RAB3B: variants seen among roughly 807,000 people sequenced by gnomAD.
The protein encoded by RAB3B is ras-related protein Rab-3B.
A neutral mutation model predicts 20.5 loss-of-function variants in RAB3B; 11 were observed. The observed-to-expected ratio is 0.54, with a 90% confidence interval of 0.34 to 0.89. RAB3B has a LOEUF of 0.89. Ranked by LOEUF, RAB3B falls within the 40% of genes least tolerant of loss-of-function variation. The pLI, the probability that RAB3B is intolerant of heterozygous loss-of-function variation, is 0.02. For missense variants in RAB3B, 225 were observed against 280.9 expected, an observed-to-expected ratio of 0.80 and a Z score of 1.42; for synonymous variants, 99 against 106.3, an observed-to-expected ratio of 0.93 and a Z score of 0.42.
intron 4 of RAB3B, among the ~76,000 whole-genome samples, chr1:51,920,728 C>T (rs1383701055): frequency 3.3e-5 from 5 of 152,242 alleles, no homozygotes; most frequent in African/African-American, 9.6e-5. Context: ...TGGACTTTTT[C>T]GCAGGGATTT....
intron 1 of RAB3B, among the ~76,000 whole-genome samples, chr1:51,978,106 TC>T (rs1305151600): frequency 6.6e-6 from 1 of 152,224 alleles, no homozygotes; most frequent in African/African-American, 2.4e-5. Flanking sequence ...AGTGCCAGCT[TC>T]CCTGTGCTCC....
intron 2 of RAB3B, chr1:51,973,406 T>C (rs975928059): frequency 5.9e-5 from 9 of 152,164 alleles, no homozygotes; most frequent in Admixed American, 5.2e-4. Flanking sequence ...AGATTGACCA[T>C]GTCATCTATG....
chr1:51,937,526 T>C lies in RAB3B; in HGVS notation c.229-114A>G, dbSNP rs1043035781. On this transcript the variant is annotated intron_variant, in intron 2 of 4. Coordinates refer to ENST00000371655, the MANE Select transcript of RAB3B (RefSeq NM_002867.4). ...CATTTTTTTTTTTTGAGATGGAGTT[T>C]TGCTCTTGTTGCCCAGGCTGGAGTG... The C allele has an allele frequency of 1.7e-5, 10 of 598,146 alleles. No homozygotes were observed. In the Admixed American group the frequency reaches 3.1e-4, roughly 18 times the overall value. 37.1% of individuals were successfully genotyped at this position (598,146 alleles called of 1,614,324 possible).
At chr1:51,932,305 G>C (rs117063169) in intron 4 of RAB3B, among the ~76,000 whole-genome samples, 1 of 152,112 alleles carries the variant, frequency 6.6e-6, no homozygotes, top group Non-Finnish European at 1.5e-5. Flanking sequence ...GATATACTTA[G>C]GGAGACTGTC....
chr1:51,990,055 C>G (rs1274654385), intron 1 of RAB3B, among the ~76,000 whole-genome samples: 2 of 140,952 alleles, frequency 1.4e-5, no homozygotes, highest in Non-Finnish European at 3.1e-5. Context: ...TCCAAACGAC[C>G]CCCGCCCAGC....
chr1:51,949,394 C>A (rs1684605218), intron 2 of RAB3B, among the ~76,000 whole-genome samples: 1 of 152,214 alleles, frequency 6.6e-6, no homozygotes, highest in Non-Finnish European at 1.5e-5. Context: ...CTTTGCCAGG[C>A]TCACAGAAGG....
At chr1:51,923,263 T>A (rs1456578513) in intron 4 of RAB3B, among the ~76,000 whole-genome samples, 1 of 152,176 alleles carries the variant, frequency 6.6e-6, no homozygotes, top group African/African-American at 2.4e-5. Context: ...TATGCCTCCT[T>A]GTCTCACGCT....
rs756004551 is a variant in RAB3B at position 51,913,605 on chromosome 1, G to A, written c.*6322C>T. ...TTGTGCTTCAGCCTCCCAAATAGCT[G>A]GGATTACAGATGCCCGCCACCACAC... On this transcript the variant is annotated 3_prime_UTR_variant, in exon 5 of 5. Coordinates refer to ENST00000371655, the MANE Select transcript of RAB3B (RefSeq NM_002867.4). 8.6e-5 allele frequency: 13 copies of A among 151,970 alleles called. No homozygotes were observed. The highest frequency in any genetic ancestry group is 1.8e-4 in the Non-Finnish European group (12 of 68,050). 9.4% of individuals were successfully genotyped at this position (151,970 alleles called of 1,614,324 possible).
intron 2 of RAB3B, among the ~76,000 whole-genome samples, chr1:51,951,581 G>T (rs755345699): frequency 4.6e-5 from 7 of 152,154 alleles, no homozygotes; most frequent in Non-Finnish European, 8.8e-5. Context: ...CCCAGCTGAG[G>T]TGGGAGAATT....
At chr1:51,947,039 T>C (rs1441702172) in intron 2 of RAB3B, among the ~76,000 whole-genome samples, 2 of 152,154 alleles carry the variant, frequency 1.3e-5, no homozygotes, top group Non-Finnish European at 2.9e-5. Context: ...GATATATGAA[T>C]TAACTGAGGC....
chr1:51,946,992 T>G (rs1025932849), intron 2 of RAB3B, among the ~76,000 whole-genome samples: 1 of 152,188 alleles, frequency 6.6e-6, no homozygotes, highest in Non-Finnish European at 1.5e-5. Context: ...TTAATTGTTA[T>G]ATCAGCTTGA....
chr1:51,974,119 T>C (rs1048768622), intron 2 of RAB3B, among the ~76,000 whole-genome samples: 1 of 152,176 alleles, frequency 6.6e-6, no homozygotes, highest in African/African-American at 2.4e-5. Context: ...CAGCACCCAC[T>C]CTCTGCTCTT....
At chr1:51,979,225 G>C (rs578151715) in intron 1 of RAB3B, among the ~76,000 whole-genome samples, 2 of 151,688 alleles carry the variant, frequency 1.3e-5, no homozygotes, top group South Asian at 4.2e-4. Context: ...ATGGTACTAG[G>C]TGCAAAGGCT....
At chr1:51,971,054 C>G (rs961341795) in intron 2 of RAB3B, among the ~76,000 whole-genome samples, 3 of 150,586 alleles carry the variant, frequency 2.0e-5, no homozygotes, top group African/African-American at 7.3e-5. Context: ...AACCCAGTGA[C>G]CCCTTCCATG....
intron 4 of RAB3B, among the ~76,000 whole-genome samples, chr1:51,932,548 G>A (rs1249669303): frequency 6.6e-6 from 1 of 152,150 alleles, no homozygotes; most frequent in Non-Finnish European, 1.5e-5. Flanking sequence ...AAAAAGTCAG[G>A]ACACCGATGA....
chr1:51,924,312 G>A (rs1423953399), intron 4 of RAB3B, among the ~76,000 whole-genome samples: 1 of 152,182 alleles, frequency 6.6e-6, no homozygotes, highest in Non-Finnish European at 1.5e-5. Context: ...TGTTGGAATG[G>A]AGGGAAGCCA....
chr1:51,986,910 G>T (rs1685159490), intron 1 of RAB3B, among the ~76,000 whole-genome samples: 1 of 152,228 alleles, frequency 6.6e-6, no homozygotes, highest in African/African-American at 2.4e-5. Context: ...AAGCAGACAG[G>T]TCATGCACAG....
chr1:51,955,701 C>T (rs1485794719), intron 2 of RAB3B, among the ~76,000 whole-genome samples: 2 of 152,060 alleles, frequency 1.3e-5, no homozygotes, highest in East Asian at 1.9e-4. Flanking sequence ...CGCCTGGCCC[C>T]AGGGACCTAT....
chr1:51,982,752 A>AT (rs2124318878), intron 1 of RAB3B, among the ~76,000 whole-genome samples: 1 of 151,626 alleles, frequency 6.6e-6, no homozygotes, highest in African/African-American at 2.4e-5. Context: ...CAATCTCAAA[A>AT]AAATAATAAT....
Sources: gnomAD v4.1 joint callset for allele counts (sites outside exome capture counted in the v4.1 genomes callset) on GRCh38, gnomAD v4.1.1 for gene constraint, MANE v1.5 for transcripts, NCBI Gene and HGNC (gene_info 2026-07-23, HGNC 2026-07-21) for gene names.